Variants in TMEM123 observed in about 807,000 individuals in gnomAD.
TMEM123 encodes the protein transmembrane protein 123.
Under a neutral mutation model 19.7 loss-of-function variants are expected in TMEM123, and 16 were observed. That is an observed-to-expected ratio of 0.81 (90% confidence interval 0.55 to 1.23). The LOEUF is 1.23. Among genes scored for constraint, TMEM123 ranks in the 50% most tolerant of loss-of-function variants. The pLI is 0.00. For missense variants in TMEM123, 313 were observed against 257.8 expected (o/e 1.21, Z -1.47); for synonymous variants, 118 against 99.4 (o/e 1.19, Z -1.12).
intron 2 of TMEM123, among the ~76,000 whole-genome samples, chr11:102,438,081 T>G (rs1857783589): frequency 6.6e-6 from 1 of 152,204 alleles, no homozygotes. Flanking sequence ...TGAGACAAAG[T>G]CTTGCTCTGT....
At chr11:102,421,345 CATT>C (rs1488849419) in intron 2 of TMEM123, among the ~76,000 whole-genome samples, 1 of 152,130 alleles carries the variant, frequency 6.6e-6, no homozygotes, top group African/African-American at 2.4e-5. Flanking sequence ...TTTGAAATAA[CATT>C]ATTAGAGCTG....
chr11:102,416,558 G>A (rs552642359), intron 2 of TMEM123, among the ~76,000 whole-genome samples: 35 of 152,090 alleles, frequency 2.3e-4, no homozygotes, highest in African/African-American at 7.0e-4. Flanking sequence ...GGACCAGACC[G>A]ATTCACAGTC....
chr11:102,420,398 T>C (rs563015447), intron 2 of TMEM123, among the ~76,000 whole-genome samples: 1 of 152,376 alleles, frequency 6.6e-6, no homozygotes, highest in Admixed American at 6.5e-5. Context: ...TCTATAGGTA[T>C]CTGTCTGTCC....
intron 2 of TMEM123, among the ~76,000 whole-genome samples, chr11:102,430,165 CCT>C (rs1156744291): frequency 5.3e-5 from 8 of 152,306 alleles, no homozygotes; most frequent in African/African-American, 7.2e-5. Context: ...GCAATTCTCC[CCT>C]GTTAAGTGAG....
At chr11:102,400,455 T>C (rs1054368860) in intron 4 of TMEM123, among the ~76,000 whole-genome samples, 2 of 152,242 alleles carry the variant, frequency 1.3e-5, no homozygotes, top group Admixed American at 6.5e-5. Context: ...CTTTTTGATA[T>C]AGGAACTGTG....
In TMEM123 at chr11:102,452,651, C is replaced by T. The variant is rs976533374; in HGVS notation, c.-28G>A. On this transcript the variant is annotated 5_prime_UTR_variant, in exon 1 of 5. Transcript: ENST00000398136. ...TTCCGAGGGCAGGATGCGGCAGCCT[C>T]GTGGGCTCCCAGCCGAGGTGGCGGC... The T allele has an allele frequency of 6.9e-7, 1 of 1,450,444 alleles. No homozygotes were observed. Among genetic ancestry groups the T allele is most frequent in the Non-Finnish European group, 9.1e-7 (1 of 1,094,652 alleles). 89.8% of individuals were successfully genotyped at this position (1,450,444 alleles called of 1,614,324 possible).
chr11:102,411,732 G>C (rs1453838352), intron 2 of TMEM123, among the ~76,000 whole-genome samples: 1 of 151,294 alleles, frequency 6.6e-6, no homozygotes, highest in Non-Finnish European at 1.5e-5. Flanking sequence ...TATGATTATA[G>C]AGAAACAGTA....
intron 1 of TMEM123, chr11:102,452,281 C>G (rs552735866): frequency 2.6e-6 from 1 of 386,002 alleles, no homozygotes; most frequent in Non-Finnish European, 4.6e-6. Flanking sequence ...GGCCTGCGAC[C>G]GCCGCATCCA....
At chr11:102,426,400 G>C (rs2850441) in intron 2 of TMEM123, among the ~76,000 whole-genome samples, 1 of 151,760 alleles carries the variant, frequency 6.6e-6, no homozygotes, top group African/African-American at 2.4e-5. Flanking sequence ...AGCCGATGCA[G>C]ACAGCACTTT....
intron 1 of TMEM123, chr11:102,449,491 CAT>C (rs1289106154): frequency 6.6e-6 from 1 of 152,138 alleles, no homozygotes; most frequent in African/African-American, 2.4e-5. Context: ...ATGTATAACA[CAT>C]AGGGAGAGAG....
intron 4 of TMEM123, among the ~76,000 whole-genome samples, chr11:102,401,083 C>T (rs1370738860): frequency 6.6e-6 from 1 of 152,078 alleles, no homozygotes; most frequent in Non-Finnish European, 1.5e-5. Context: ...ACTAACCACT[C>T]ATTTAAATTT....
chr11:102,422,080 A>G (rs1430476867), intron 2 of TMEM123, among the ~76,000 whole-genome samples: 1 of 152,226 alleles, frequency 6.6e-6, no homozygotes, highest in East Asian at 1.9e-4. Flanking sequence ...TATTAACTGT[A>G]CATATTGATT....
At chr11:102,441,329 T>C (rs559853896) in intron 2 of TMEM123, among the ~76,000 whole-genome samples, 88 of 152,222 alleles carry the variant, frequency 5.8e-4, no homozygotes, top group African/African-American at 1.9e-3. Context: ...AGAACAGAAA[T>C]TATAACAAAC....
At chr11:102,417,748 A>C (rs1304642910) in intron 2 of TMEM123, among the ~76,000 whole-genome samples, 4 of 152,196 alleles carry the variant, frequency 2.6e-5, no homozygotes, top group African/African-American at 9.7e-5. Context: ...ACTATACTAC[A>C]AGACTACAGT....
chr11:102,401,026 A>G (rs1201619820), intron 4 of TMEM123, among the ~76,000 whole-genome samples: 1 of 152,234 alleles, frequency 6.6e-6, no homozygotes, highest in Non-Finnish European at 1.5e-5. Context: ...ATGCACATCT[A>G]AAAAGAGAGT....
At position 102,401,545 on chromosome 11, in the gene TMEM123, C is replaced by T. The variant is rs199983818; in HGVS notation, c.596G>A (p.Arg199Gln). 1.0e-5 allele frequency: 16 copies of T among 1,576,586 alleles called. No individual in the cohort carries two copies. Among genetic ancestry groups the T allele is most frequent in the South Asian group, 4.8e-5 (4 of 84,108 alleles). The change falls in exon 4 of 5, where the codon CGA (arginine) becomes CAA (glutamine). Residue 199 changes from arginine to glutamine, a missense_variant. Arg to Gln is a conservative substitution (Grantham distance 43). Coordinates refer to ENST00000398136, the MANE Select transcript of TMEM123 (RefSeq NM_052932.3). The stretch of plus-strand genomic sequence containing the variant: ...CTGGCCATTCAAAACTTACATGGTT[C>T]GATACCGAATGCCTCTTCTTGAGTA... ...MYYSRRGIRY[R>Q]TIDEHDAII is the part of the protein sequence containing the mutation.
At chr11:102,433,228 G>A (rs945563132) in intron 2 of TMEM123, among the ~76,000 whole-genome samples, 1 of 151,990 alleles carries the variant, frequency 6.6e-6, no homozygotes, top group African/African-American at 2.4e-5. Flanking sequence ...CTCAACGCCA[G>A]CTAGTGACAG....
chr11:102,428,845 T>TTA (rs1190051877), intron 2 of TMEM123, among the ~76,000 whole-genome samples: 1 of 152,166 alleles, frequency 6.6e-6, no homozygotes, highest in Non-Finnish European at 1.5e-5. Context: ...AGGAGACTAG[T>TTA]AACTACTGGC....
At chr11:102,438,942 C>A (rs1449599258) in intron 2 of TMEM123, among the ~76,000 whole-genome samples, 1 of 152,240 alleles carries the variant, frequency 6.6e-6, no homozygotes. Flanking sequence ...GAGACTGTAT[C>A]CTGCACGTGG....
Sources: gnomAD v4.1 joint callset for allele counts (sites outside exome capture counted in the v4.1 genomes callset) on GRCh38, gnomAD v4.1.1 for gene constraint, MANE v1.5 for transcripts, NCBI Gene and HGNC (gene_info 2026-07-23, HGNC 2026-07-21) for gene names.